SP100: variants seen among roughly 807,000 people sequenced by gnomAD.
The protein encoded by SP100 is nuclear autoantigen Sp-100.
A neutral mutation model predicts 130.0 loss-of-function variants in SP100; 84 were observed. That is an observed-to-expected ratio of 0.65 (90% CI 0.54 to 0.77). SP100 has a LOEUF of 0.77. Among genes scored for constraint, SP100 ranks in the 30% least tolerant of loss-of-function variants. The pLI, the probability that SP100 is intolerant of heterozygous loss-of-function variation, is 0.00. For synonymous variants in SP100, 331 were observed against 351.7 expected (o/e 0.94, Z 0.66); for missense variants, 978 against 1,052.2 (o/e 0.93, Z 0.97).
At chr2:230,506,564 C>T in intron 22 of SP100, 119 bp downstream of exon 22, 1 of 970,790 alleles carries the variant, frequency 1.0e-6, no homozygotes, top group Non-Finnish European at 1.5e-6. Context: ...GCCCAGGTCT[C>T]CATGCATATG....
chr2:230,542,020 C>T lies in SP100; in HGVS notation c.2532C>T (p.His844=). 6.2e-7 allele frequency: 1 copy of T among 1,614,034 alleles called. No individual in the cohort carries two copies. ...ACATGCGTCTCATCTTTCATAACCA[C>T]AAGGAATTTTACAGGGTGAGTGGCT... is the stretch of plus-strand genomic sequence containing the variant. ...VQDMRLIFHN[H]KEFYREDKFT... The change falls in exon 28 of 29, where the codon CAC becomes CAT. Residue 844 remains histidine (H), a synonymous_variant. Transcript: ENST00000340126.
chr2:230,451,510 G>A (rs1000924085), intron 8 of SP100, among the ~76,000 whole-genome samples: 2 of 152,156 alleles, frequency 1.3e-5, no homozygotes, highest in Admixed American at 1.3e-4. Flanking sequence ...ATTTAATATT[G>A]AGTTGTTTGA....
In SP100 at chr2:230,529,220, T is replaced by A. The variant is rs535820193; in HGVS notation, c.2095-10047T>A. 2.0e-5 allele frequency among the ~76,000 whole-genome samples: 3 copies of A among 152,274 alleles called. No individual in the cohort carries two copies. In the South Asian group the frequency reaches 6.2e-4, roughly 32 times the overall value. On this transcript the variant is annotated intron_variant, in intron 24 of 28. Coordinates refer to ENST00000340126, the MANE Select transcript of SP100 (RefSeq NM_001080391.2). ...CAAATCCAGCAACACATCCAAAAGC[T>A]TATCCACCATGATCAAGTCACCTTC...
intron 17 of SP100, among the ~76,000 whole-genome samples, chr2:230,475,294 T>C (rs1376644780): frequency 6.6e-6 from 1 of 152,204 alleles, no homozygotes; most frequent in Admixed American, 6.5e-5. Context: ...TGATTAGTAA[T>C]GTTGGGCATT....
At chr2:230,451,138 T>C (rs2063961745) in intron 8 of SP100, among the ~76,000 whole-genome samples, 1 of 152,228 alleles carries the variant, frequency 6.6e-6, no homozygotes, top group African/African-American at 2.4e-5. Context: ...TTTCATATCC[T>C]TCGAATATAT....
chr2:230,515,526 T>G, intron 24 of SP100: 5 of 1,605,268 alleles, frequency 3.1e-6, no homozygotes, highest in Non-Finnish European at 4.3e-6. Flanking sequence ...AAGGAAAGCC[T>G]AATTCAGCAA....
chr2:230,417,734 T>C, intron 2 of SP100, 69 bp downstream of exon 2: 2 of 1,569,620 alleles, frequency 1.3e-6, no homozygotes. Flanking sequence ...TGATCAGCTT[T>C]TCATGTTTCT....
At chr2:230,515,606 A>G in intron 24 of SP100, 1 of 1,603,344 alleles carries the variant, frequency 6.2e-7, no homozygotes, top group East Asian at 2.2e-5. Flanking sequence ...GAGGATGAAC[A>G]AGAGGAGGAA....
intron 2 of SP100, among the ~76,000 whole-genome samples, chr2:230,433,939 A>G (rs1273988584): frequency 6.7e-6 from 1 of 149,342 alleles, no homozygotes; most frequent in Non-Finnish European, 1.5e-5. Context: ...GTTATTAAAT[A>G]TACTTACTCA....
At chr2:230,456,419 C>T (rs2064279459) in intron 8 of SP100, among the ~76,000 whole-genome samples, 1 of 152,118 alleles carries the variant, frequency 6.6e-6, no homozygotes, top group South Asian at 2.1e-4. Context: ...TGATTGGAGA[C>T]CATTGACCTT....
intron 13 of SP100, among the ~76,000 whole-genome samples, chr2:230,468,628 C>T (rs1403020398): frequency 1.3e-5 from 2 of 152,096 alleles, no homozygotes; most frequent in Non-Finnish European, 2.9e-5. Flanking sequence ...GCCTAGGCAA[C>T]ATGGCAAAAC....
chr2:230,469,778 G>T (rs1277779627), intron 14 of SP100: 43 of 1,361,566 alleles, frequency 3.2e-5, no homozygotes, highest in Non-Finnish European at 4.0e-5. Context: ...TTTTCCCAAA[G>T]TTAAAAAAAA....
At chr2:230,501,421 C>T (rs2150062428) in intron 19 of SP100, among the ~76,000 whole-genome samples, 1 of 152,228 alleles carries the variant, frequency 6.6e-6, no homozygotes, top group Non-Finnish European at 1.5e-5. Flanking sequence ...GGATATGATT[C>T]CTCTTGACAT....
At position 230,542,050 on chromosome 2, in the gene SP100, C is replaced by G. The variant is rs373115438; in HGVS notation, c.2547+15C>G. ...AATTTTACAGGGTGAGTGGCTCTCC[C>G]TGCTTCCTTTTCTCTTTCAATTACA... is the stretch of plus-strand genomic sequence containing the variant. On this transcript the variant is annotated intron_variant, in intron 28 of 28. Transcript: ENST00000340126. 6.2e-7 allele frequency: 1 copy of G among 1,613,158 alleles called. No individual in the cohort carries two copies. The highest frequency in any genetic ancestry group is 8.5e-7 in the Non-Finnish European group (1 of 1,179,432).
At chr2:230,507,956 A>G in intron 22 of SP100, 37 bp from the exon 23 acceptor site, 1 of 1,604,792 alleles carries the variant, frequency 6.2e-7, no homozygotes, top group East Asian at 2.2e-5. Context: ...AATAAAAGCA[A>G]GAACCCATCA....
rs564155080 is a variant in SP100 at position 230,535,471 on chromosome 2, C to T, written c.2095-3796C>T. On this transcript the variant is annotated intron_variant, in intron 24 of 28. Coordinates refer to ENST00000340126, the MANE Select transcript of SP100 (RefSeq NM_001080391.2). Reference sequence around the variant, plus strand: ...ATTTTTTTTGTTTGAAACATTGCTGCCTTTAACAATTGAGAGGAGCATTAC... The same window carrying T: ...ATTTTTTTTGTTTGAAACATTGCTGTCTTTAACAATTGAGAGGAGCATTAC... Among the ~76,000 whole-genome samples the T allele has an allele frequency of 2.6e-5, 4 of 152,032 alleles. No homozygotes were observed. In the South Asian group the frequency reaches 6.2e-4, roughly 24 times the overall value.
intron 8 of SP100, among the ~76,000 whole-genome samples, chr2:230,453,986 T>TGAA (rs1351151236): frequency 6.6e-6 from 1 of 152,172 alleles, no homozygotes; most frequent in Non-Finnish European, 1.5e-5. Context: ...ATTGGTCTGT[T>TGAA]CAGATTTTCC....
At chr2:230,469,565 G>T in intron 14 of SP100, 1 of 451,662 alleles carries the variant, frequency 2.2e-6, no homozygotes, top group South Asian at 1.7e-5. Context: ...GATTATGCAT[G>T]AATGAGATAG....
chr2:230,536,026 C>A (rs2150112905), intron 24 of SP100, among the ~76,000 whole-genome samples: 1 of 151,152 alleles, frequency 6.6e-6, no homozygotes, highest in East Asian at 1.9e-4. Context: ...GAGGTTCCAG[C>A]AAAGCCAGTT....
Sources: gnomAD v4.1 joint callset for allele counts (sites outside exome capture counted in the v4.1 genomes callset) on GRCh38, gnomAD v4.1.1 for gene constraint, MANE v1.5 for transcripts, NCBI Gene and HGNC (gene_info 2026-07-23, HGNC 2026-07-21) for gene names.